Variants in UVRAG observed in about 807,000 individuals in gnomAD.
The protein encoded by UVRAG is UV radiation resistance-associated gene protein.
In UVRAG, 19 loss-of-function variants were observed where a neutral mutation model predicts 78.0. The ratio of observed to expected loss-of-function variants is 0.24; its 90% CI spans 0.17 to 0.36. The LOEUF is 0.36. Among genes scored for constraint, UVRAG ranks in the 10% least tolerant of loss-of-function variants. The pLI is 1.00. For missense variants in UVRAG, 740 were observed against 853.8 expected, an observed-to-expected ratio of 0.87 and a Z score of 1.66; for synonymous variants, 323 against 324.6, an observed-to-expected ratio of 1.00 and a Z score of 0.05.
chr11:76,105,163 CCAGTAGAGA>C (rs1386381797), intron 13 of UVRAG, among the ~76,000 whole-genome samples: 1 of 152,108 alleles, frequency 6.6e-6, no homozygotes, highest in Non-Finnish European at 1.5e-5. Flanking sequence ...TGTGGGAGGG[CCAGTAGAGA>C]TACAGATGGC....
rs35864936 is a variant in UVRAG at position 75,950,963 on chromosome 11, TACACACACACACACAC to T, written c.594-10455_594-10440del. On this transcript the variant is annotated intron_variant, in intron 6 of 14. Transcript: ENST00000356136. ...TTGGATAGAAGTCCTTTGTCAGGTG[TACACACACACACACAC>T]ACACACACACACACACACACACACA... 4.9e-3 allele frequency among the ~76,000 whole-genome samples: 692 copies of T among 140,054 alleles called. 4 individuals carry two copies. The highest frequency in any genetic ancestry group is 0.016 in the African/African-American group (625 of 38,112). The allele number at this position is 140,054 out of a possible 152,430, so 91.9% of individuals were successfully genotyped here.
intron 5 of UVRAG, among the ~76,000 whole-genome samples, chr11:75,892,947 AG>A (rs1480507228): frequency 6.6e-6 from 1 of 152,102 alleles, no homozygotes; most frequent in Non-Finnish European, 1.5e-5. Flanking sequence ...TGGGAGGCCG[AG>A]GCAGGTGGAT....
chr11:75,880,428 TA>T (rs1236575185), intron 4 of UVRAG, among the ~76,000 whole-genome samples: 1 of 152,198 alleles, frequency 6.6e-6, no homozygotes, highest in Non-Finnish European at 1.5e-5. Flanking sequence ...TTTTGACCAG[TA>T]GCGTTATTCC....
intron 6 of UVRAG, among the ~76,000 whole-genome samples, chr11:75,958,041 C>T (rs1948835503): frequency 6.6e-6 from 1 of 152,150 alleles, no homozygotes; most frequent in Admixed American, 6.5e-5. Flanking sequence ...AATGTACATA[C>T]CTTAATTAAA....
rs533287646 is a variant in UVRAG, at chr11:76,141,332, T to C, written c.2019T>C (p.Phe673=). 6.2e-7 allele frequency: 1 copy of C among 1,614,212 alleles called. No individual in the cohort carries two copies. The highest frequency in any genetic ancestry group is 1.7e-5 in the Admixed American group (1 of 60,022). ...VECDEQVLGE[F]EEFSRRIYAL... is the part of the protein sequence containing the mutation. Reference sequence around the variant, plus strand: ...GTGACGAACAAGTTCTGGGAGAATTTGAAGAGTTCTCCCGAAGGATCTATG... The same window carrying C: ...GTGACGAACAAGTTCTGGGAGAATTCGAAGAGTTCTCCCGAAGGATCTATG... Residue 673 remains phenylalanine, a synonymous_variant, in exon 15 of 15, where the codon TTT becomes TTC. Transcript: ENST00000356136.
chr11:75,815,775 C>CAGCT (rs942972209), intron 1 of UVRAG, among the ~76,000 whole-genome samples: 1 of 152,154 alleles, frequency 6.6e-6, no homozygotes, highest in African/African-American at 2.4e-5. Flanking sequence ...AGCAGCCAGC[C>CAGCT]AGCTCAAGTC....
chr11:75,972,933 T>C (rs892886288), intron 7 of UVRAG, among the ~76,000 whole-genome samples: 4 of 152,198 alleles, frequency 2.6e-5, no homozygotes. Flanking sequence ...TTTGTTTTGT[T>C]TGTCAATTCT....
At chr11:76,014,380 A>G (rs1349099510) in intron 11 of UVRAG, among the ~76,000 whole-genome samples, 2 of 152,160 alleles carry the variant, frequency 1.3e-5, no homozygotes, top group Admixed American at 6.5e-5. Flanking sequence ...GTCAGGTCAT[A>G]TAGGAAAGGA....
rs574841986 is a variant in UVRAG at position 75,878,227 on chromosome 11, G to A, written c.271-1652G>A. Among the ~76,000 whole-genome samples the A allele has an allele frequency of 1.5e-3, 224 of 151,372 alleles. 1 individual carries two copies. The highest frequency in any genetic ancestry group is 5.1e-3 in the African/African-American group (209 of 41,184). ...GCGCTCCTTACATCCCAGACGGGGC[G>A]GCGGGGCAAAGGTGCTCCCCACATC... On this transcript the variant is annotated intron_variant, in intron 3 of 14. Coordinates refer to ENST00000356136, the MANE Select transcript of UVRAG (RefSeq NM_003369.4).
chr11:75,953,232 T>C (rs1340262850), intron 6 of UVRAG, among the ~76,000 whole-genome samples: 1 of 152,170 alleles, frequency 6.6e-6, no homozygotes, highest in Non-Finnish European at 1.5e-5. Flanking sequence ...CTTGGACTGT[T>C]GGAATAACCT....
chr11:75,950,058 A>G (rs1307691756), intron 6 of UVRAG, among the ~76,000 whole-genome samples: 7 of 152,138 alleles, frequency 4.6e-5, no homozygotes, highest in Admixed American at 3.9e-4. Context: ...TTTGGAATTT[A>G]TCCATGTTCT....
intron 12 of UVRAG, among the ~76,000 whole-genome samples, chr11:76,019,529 C>A (rs1298827070): frequency 6.6e-6 from 1 of 152,168 alleles, no homozygotes; most frequent in Admixed American, 6.5e-5. Flanking sequence ...ATGTTGTGAT[C>A]TAAGCTGTAT....
In UVRAG at chr11:75,987,530, T is replaced by G. The variant is rs11822767; in HGVS notation, c.826+4017T>G. 9.6e-3 allele frequency among the ~76,000 whole-genome samples: 1,469 copies of G among 152,334 alleles called. 20 individuals carry two copies. The highest frequency in any genetic ancestry group is 0.034 in the African/African-American group (1,411 of 41,582). ...ATGCCTTTAAAACTTTTTTCTTACC[T>G]GATTGTGTTGTCTGAGACATCCAGT... is the stretch of plus-strand genomic sequence containing the variant. On this transcript the variant is annotated intron_variant, in intron 8 of 14. Coordinates refer to ENST00000356136, the MANE Select transcript of UVRAG (RefSeq NM_003369.4).
At chr11:75,838,421 T>G (rs1035482461) in intron 1 of UVRAG, among the ~76,000 whole-genome samples, 1 of 152,092 alleles carries the variant, frequency 6.6e-6, no homozygotes, top group Admixed American at 6.6e-5. Context: ...CACTGAAGCC[T>G]CAACCTCCTG....
intron 9 of UVRAG, among the ~76,000 whole-genome samples, chr11:76,006,677 A>G (rs1163527285): frequency 6.6e-6 from 1 of 150,810 alleles, no homozygotes; most frequent in Non-Finnish European, 1.5e-5. Flanking sequence ...AAAAAAAAAA[A>G]AAAAAAAAAG....
At chr11:75,922,594 G>A (rs929825109) in intron 6 of UVRAG, among the ~76,000 whole-genome samples, 1 of 152,108 alleles carries the variant, frequency 6.6e-6, no homozygotes, top group South Asian at 2.1e-4. Context: ...GACCATCCCA[G>A]TTCCTTGTTC....
chr11:75,940,869 C>T (rs1369854622), intron 6 of UVRAG, among the ~76,000 whole-genome samples: 1 of 152,174 alleles, frequency 6.6e-6, no homozygotes, highest in African/African-American at 2.4e-5. Context: ...TTCCTAACCA[C>T]TACACTATGC....
At chr11:76,077,812 C>G (rs116772436) in intron 13 of UVRAG, among the ~76,000 whole-genome samples, 2 of 152,262 alleles carry the variant, frequency 1.3e-5, no homozygotes, top group African/African-American at 4.8e-5. Flanking sequence ...AACAGGCTTC[C>G]CTTTTTTTCT....
chr11:75,858,765 A>G (rs1946349604), intron 2 of UVRAG, among the ~76,000 whole-genome samples: 1 of 152,186 alleles, frequency 6.6e-6, no homozygotes, highest in South Asian at 2.1e-4. Context: ...CAAACTTTTG[A>G]ATTTTTGCCA....
Sources: gnomAD v4.1 joint callset for allele counts (sites outside exome capture counted in the v4.1 genomes callset) on GRCh38, gnomAD v4.1.1 for gene constraint, MANE v1.5 for transcripts, NCBI Gene and HGNC (gene_info 2026-07-23, HGNC 2026-07-21) for gene names.